USP43: variants seen among roughly 807,000 people sequenced by gnomAD.
The protein encoded by USP43 is ubiquitin specific peptidase 43.
USP43 carries 33 observed loss-of-function variants against 90.7 expected under a neutral mutation model. The ratio of observed to expected loss-of-function variants is 0.36; its 90% CI spans 0.28 to 0.49. USP43 has a LOEUF of 0.49. USP43 is among the 20% of genes least tolerant of loss of function. The pLI, the probability that USP43 is intolerant of heterozygous loss-of-function variation, is 0.98. For missense variants in USP43, 1,274 were observed against 1,476.4 expected (o/e 0.86, Z 2.25); for synonymous variants, 598 against 615.8 (o/e 0.97, Z 0.43).
chr17:9,682,951 G>T lies in USP43; in HGVS notation c.1234G>T (p.Ala412Ser). ...FCNLVGSGQQ[A>S]SRFGPPFLIR... ...TAACTTGGTGGGGTCAGGGCAGCAG[G>T]CTAGCAGGTATGTTTCACTTTATTC... is the stretch of plus-strand genomic sequence containing the variant. Residue 412 changes from alanine to serine, a missense_variant, in exon 7 of 15, where the codon GCT (alanine) becomes TCT (serine). Around this residue, in one of 6 missense-constraint regions of USP43, gnomAD observed 253 missense variants for 276.0 expected, o/e 0.92. Coordinates refer to ENST00000285199, the MANE Select transcript of USP43 (RefSeq NM_153210.5). 6.2e-7 allele frequency: 1 copy of T among 1,613,222 alleles called. No individual in the cohort carries two copies. The highest frequency in any genetic ancestry group is 8.5e-7 in the Non-Finnish European group (1 of 1,179,344).
chr17:9,710,017 G>T lies in USP43; in HGVS notation c.2073G>T (p.Pro691=). Reference sequence around the variant, plus strand: ...GTTATGATGACAGCACGGTGGAACCGCTTCGAGAAGATGAGGTCAACACCA... The same window carrying T: ...GTTATGATGACAGCACGGTGGAACCTCTTCGAGAAGATGAGGTCAACACCA... ...WYSYDDSTVE[P]LREDEVNTRG... is the part of the protein sequence containing the mutation. Residue 691 remains proline, a synonymous_variant, in exon 13 of 15, where the codon CCG becomes CCT. Transcript: ENST00000285199. 1 of 1,571,978 alleles carries T rather than the reference G, an allele frequency of 6.4e-7. No individual in the cohort carries two copies.
intron 12 of USP43, among the ~76,000 whole-genome samples, chr17:9,704,184 G>C (rs1278877337): frequency 6.6e-6 from 1 of 152,142 alleles, no homozygotes; most frequent in East Asian, 1.9e-4. Context: ...CAGGTGCTCT[G>C]GAATTTCATA....
chr17:9,652,200 A>C (rs1597810709), intron 1 of USP43, among the ~76,000 whole-genome samples: 1 of 147,524 alleles, frequency 6.8e-6, no homozygotes, highest in African/African-American at 2.6e-5. Flanking sequence ...TCAACACAGC[A>C]AGCCCTTAGC....
At position 9,674,423 on chromosome 17, in the gene USP43, T is replaced by C. The variant is rs774134931; in HGVS notation, c.741-468T>C. 6.6e-6 allele frequency among the ~76,000 whole-genome samples: 1 copy of C among 152,146 alleles called. No individual in the cohort carries two copies. The highest frequency in any genetic ancestry group is 1.5e-5 in the Non-Finnish European group (1 of 68,022). ...CCTGGTACCCAGTAAGCAGTCAGCCTCATCCTCCCTTCCCTCAGCTCCTGG... is the reference window on the plus strand; with the variant it reads ...CCTGGTACCCAGTAAGCAGTCAGCCCCATCCTCCCTTCCCTCAGCTCCTGG... On this transcript the variant is annotated intron_variant, in intron 3 of 14. Coordinates refer to ENST00000285199, the MANE Select transcript of USP43 (RefSeq NM_153210.5). This position sits in a 1 kb window ranked among gnomAD's most constrained non-coding sequence, Gnocchi z 4.4.
rs111745339 is a variant in USP43 at position 9,720,288 on chromosome 17, T to G, written c.2336-7666T>G. On this transcript the variant is annotated intron_variant, in intron 14 of 14. Transcript: ENST00000285199. ...TTGCAGTGAGCCGAGGTTGCGCCAC[T>G]GCACTCCAGCCTGGGCGACAGAGAC... 6.0e-3 allele frequency among the ~76,000 whole-genome samples: 742 copies of G among 123,436 alleles called. 7 individuals are homozygous for G. The highest frequency in any genetic ancestry group is 7.9e-3 in the Non-Finnish European group (502 of 63,324). The allele number at this position is 123,436 out of a possible 152,430, so 81.0% of individuals were successfully genotyped here.
intron 2 of USP43, among the ~76,000 whole-genome samples, chr17:9,665,248 C>T (rs1912955804): frequency 6.6e-6 from 1 of 152,136 alleles, no homozygotes; most frequent in African/African-American, 2.4e-5. Flanking sequence ...ATATGAGGTC[C>T]TAATCGCTGC....
chr17:9,726,405 A>G (rs1257547386), intron 14 of USP43, among the ~76,000 whole-genome samples: 1 of 152,178 alleles, frequency 6.6e-6, no homozygotes, highest in Non-Finnish European at 1.5e-5. Flanking sequence ...CTGTTAGAAC[A>G]GAATACCACG....
rs74515995 is a variant in USP43, at chr17:9,729,366, T to C, written c.*376T>C. On this transcript the variant is annotated 3_prime_UTR_variant, in exon 15 of 15. Transcript: ENST00000285199. ...TCATGTCAAATACTGTCAATGGCTTTTCCTTTTTCTTTCTTTTTTTTTTTT... is the reference window on the plus strand; with the variant it reads ...TCATGTCAAATACTGTCAATGGCTTCTCCTTTTTCTTTCTTTTTTTTTTTT... 2,261 of 157,434 alleles carry C rather than the reference T, an allele frequency of 0.014. 57 individuals are homozygous for C. The highest frequency in any genetic ancestry group is 0.051 in the African/African-American group (2,128 of 41,688). The allele number at this position is 157,434 out of a possible 1,614,324, so 9.8% of individuals were successfully genotyped here. A position where few individuals can be genotyped will look rare whatever the true frequency, so the allele number is the denominator to read the frequency against.
intron 9 of USP43, among the ~76,000 whole-genome samples, chr17:9,697,607 C>G (rs1157989040): frequency 6.6e-5 from 10 of 151,820 alleles, no homozygotes; most frequent in Non-Finnish European, 1.5e-4. Flanking sequence ...TTTCTGCATT[C>G]ATTCACTTAG....
At chr17:9,675,632 T>G (rs1291120308) in intron 4 of USP43, among the ~76,000 whole-genome samples, 1 of 152,128 alleles carries the variant, frequency 6.6e-6, no homozygotes, top group Non-Finnish European at 1.5e-5. Context: ...CCTCCTTAAG[T>G]GCCATTTCTC....
chr17:9,653,269 G>T lies in USP43; in HGVS notation c.505-3134G>T, dbSNP rs562003928. Reference sequence around the variant, plus strand: ...CATCATGATTAACTGGAGAGGAATGGATTTCACATGGAAGGAAGAACAAAA... The same window carrying T: ...CATCATGATTAACTGGAGAGGAATGTATTTCACATGGAAGGAAGAACAAAA... On this transcript the variant is annotated intron_variant, in intron 1 of 14. Transcript: ENST00000285199. Among the ~76,000 whole-genome samples, 4 of 152,284 alleles carry T rather than the reference G, an allele frequency of 2.6e-5. 1 individual carries two copies. In the South Asian group the frequency reaches 8.3e-4, roughly 32 times the overall value.
intron 8 of USP43, among the ~76,000 whole-genome samples, chr17:9,690,432 A>G (rs1285539375): frequency 6.6e-6 from 1 of 152,186 alleles, no homozygotes; most frequent in Admixed American, 6.5e-5. Flanking sequence ...GGTAAAAGAT[A>G]TATACATTTA....
chr17:9,660,341 G>A (rs1467447658), intron 2 of USP43, among the ~76,000 whole-genome samples: 1 of 152,120 alleles, frequency 6.6e-6, no homozygotes, highest in Non-Finnish European at 1.5e-5. Context: ...AGTAGAGACA[G>A]GGTTTCGCTA....
rs568114439 is a variant in USP43, at chr17:9,682,685, C to T, written c.1106-138C>T. ...AATGCCATGAACCTCATTATCTCCT[C>T]CCCTAAAGCCCTCTAGTGGCCCCCC... is the stretch of plus-strand genomic sequence containing the variant. On this transcript the variant is annotated intron_variant, in intron 6 of 14. Transcript: ENST00000285199. 1.3e-4 allele frequency: 138 copies of T among 1,078,208 alleles called. No individual in the cohort carries two copies. In the South Asian group the frequency reaches 2.4e-3, roughly 19 times the overall value. 66.8% of individuals were successfully genotyped at this position (1,078,208 alleles called of 1,614,324 possible). A position where few individuals can be genotyped will look rare whatever the true frequency, so the allele number is the denominator to read the frequency against.
At position 9,701,130 on chromosome 17, in the gene USP43, G is replaced by T; in HGVS notation, c.1547G>T (p.Ser516Ile). The T allele has an allele frequency of 6.8e-7, 1 of 1,474,238 alleles. No homozygotes were observed. Among genetic ancestry groups the T allele is most frequent in the Non-Finnish European group, 9.0e-7 (1 of 1,109,024 alleles). 91.3% of individuals were successfully genotyped at this position (1,474,238 alleles called of 1,614,324 possible). A position where few individuals can be genotyped will look rare whatever the true frequency, so the allele number is the denominator to read the frequency against. ...DSSVKERLFG[S>I]LQEERAQDAD... ...TCCTCTCCGTGCAGCCTGTTCGGGA[G>T]CCTCCAGGAGGAGCGAGCGCAGGAT... Residue 516 changes from serine to isoleucine, a missense_variant, in exon 11 of 15, where the codon AGC becomes ATC. Coordinates refer to ENST00000285199, the MANE Select transcript of USP43 (RefSeq NM_153210.5). The surrounding 1 kb of genome is among the most constrained non-coding windows in gnomAD (Gnocchi z 7.2).
intron 3 of USP43, among the ~76,000 whole-genome samples, chr17:9,671,181 A>G (rs1913401262): frequency 6.6e-6 from 1 of 152,212 alleles, no homozygotes; most frequent in African/African-American, 2.4e-5. Context: ...TAGCAAAGAT[A>G]TTTAGTTATT....
At chr17:9,652,145 G>A (rs1342223677) in intron 1 of USP43, among the ~76,000 whole-genome samples, 1 of 149,328 alleles carries the variant, frequency 6.7e-6, no homozygotes, top group Non-Finnish European at 1.5e-5. Flanking sequence ...AGCACTTTGA[G>A]AGGCCGAGAT....
chr17:9,680,256 G>A lies in USP43; in HGVS notation c.995G>A (p.Ser332Asn). ...DEVILVELYP[S>N]GFQRSFFDEE... The stretch of plus-strand genomic sequence containing the variant: ...GTGATCTTGGTTGAACTGTATCCCA[G>A]TGGATTCCAGCGGTCTTTCTTTGAT... Residue 332 changes from serine to asparagine, a missense_variant, in exon 6 of 15, where the codon AGT becomes AAT. Ser to Asn is a conservative substitution (Grantham distance 46). Coordinates refer to ENST00000285199, the MANE Select transcript of USP43 (RefSeq NM_153210.5). The A allele has an allele frequency of 1.9e-6, 3 of 1,613,808 alleles. No individual in the cohort carries two copies. Among genetic ancestry groups the A allele is most frequent in the Non-Finnish European group, 2.5e-6 (3 of 1,179,816 alleles).
chr17:9,728,733 C>A lies in USP43; in HGVS notation c.3115C>A (p.Pro1039Thr). The A allele has an allele frequency of 6.2e-7, 1 of 1,601,106 alleles. No homozygotes were observed. The highest frequency in any genetic ancestry group is 1.1e-5 in the South Asian group (1 of 89,780). The change falls in exon 15 of 15, where the codon CCA becomes ACA. Residue 1039 changes from proline (P) to threonine (T), a missense_variant. Physicochemically the swap from Pro to Thr is conservative, Grantham distance 38. Transcript: ENST00000285199. The surrounding 1 kb of genome is among the most constrained non-coding windows in gnomAD (Gnocchi z 6.2). ...GAGCCCTGCCATGGACGGGCAGGCT[C>A]CAGGCTCACCTCCTGCCCTCAGGAT... ...GLSPAMDGQAPGSPPALRIPE... is the reference protein window; with the variant it reads ...GLSPAMDGQATGSPPALRIPE...
Sources: gnomAD v4.1 joint callset for allele counts (sites outside exome capture counted in the v4.1 genomes callset) on GRCh38, gnomAD v4.1.1 for gene constraint, gnomAD v4.1.1 regional missense constraint, Gnocchi (gnomAD v3.1) non-coding constraint, MANE v1.5 for transcripts, NCBI Gene and HGNC (gene_info 2026-07-23, HGNC 2026-07-21) for gene names.